CEP19: variants seen among roughly 807,000 people sequenced by gnomAD.
CEP19 encodes the protein centrosomal protein 19.
In CEP19, 14 loss-of-function variants were observed where a neutral mutation model predicts 17.5. The ratio of observed to expected loss-of-function variants is 0.80; its 90% CI spans 0.53 to 1.25. The LOEUF (loss-of-function observed/expected upper bound fraction) is 1.25. Ranked by LOEUF, CEP19 falls within the 50% of genes most tolerant of loss-of-function variation. The probability of loss-of-function intolerance (pLI) is 0.00; values close to 1 mark genes in which losing one functional copy is unlikely to be tolerated. For synonymous variants in CEP19, 59 were observed against 65.5 expected (o/e 0.90, Z 0.48); for missense variants, 193 against 192.0 (o/e 1.01, Z -0.03).
chr3:196,711,107 A>AGT (rs200255217), intron 1 of CEP19, among the ~76,000 whole-genome samples: 3 of 121,896 alleles, frequency 2.5e-5, no homozygotes, highest in African/African-American at 9.4e-5. Flanking sequence ...CAAATAATGT[A>AGT]GTTTTTTTTT....
chr3:196,708,035 G>T, intron 2 of CEP19, 123 bp from the exon 3 acceptor site: 1 of 1,078,666 alleles, frequency 9.3e-7, no homozygotes, highest in Non-Finnish European at 1.3e-6. Flanking sequence ...CTCCATTATA[G>T]TCAAGTAGCT....
intron 1 of CEP19, among the ~76,000 whole-genome samples, chr3:196,710,040 G>A (rs531135151): frequency 6.6e-6 from 1 of 152,160 alleles, no homozygotes; most frequent in South Asian, 2.1e-4. Context: ...CTTTTTTCTA[G>A]GCATATAGTT....
chr3:196,710,431 G>C (rs1297271047), intron 1 of CEP19, among the ~76,000 whole-genome samples: 1 of 152,040 alleles, frequency 6.6e-6, no homozygotes, highest in Non-Finnish European at 1.5e-5. Context: ...TGTAATCCCA[G>C]CTACTCGAGA....
At chr3:196,709,122 A>G (rs1030691786) in intron 1 of CEP19, among the ~76,000 whole-genome samples, 1 of 152,096 alleles carries the variant, frequency 6.6e-6, no homozygotes, top group African/African-American at 2.4e-5. Context: ...AGTGTACTGC[A>G]CTCTTACTGA....
intron 1 of CEP19, 178 bp from the exon 2 acceptor site, chr3:196,708,905 G>A: frequency 2.1e-6 from 1 of 476,024 alleles, no homozygotes; most frequent in Non-Finnish European, 3.8e-6. Context: ...CTTGCGCAGG[G>A]GCCATGCTGA....
rs928344847 is a variant in CEP19, at chr3:196,706,498, T to C, written c.*1053A>G. On this transcript the variant is annotated 3_prime_UTR_variant, in exon 3 of 3. Transcript: ENST00000409690. ...ATTTCCCATTTTACAAACAAACCTT[T>C]TATTTATGGGAAGAGGTTCAGCGTT... 6.6e-6 allele frequency: 1 copy of C among 152,174 alleles called. No homozygotes were observed. Among genetic ancestry groups the C allele is most frequent in the African/African-American group, 2.4e-5 (1 of 41,438 alleles). 9.4% of individuals were successfully genotyped at this position (152,174 alleles called of 1,614,324 possible).
Position 196,707,533 on chromosome 3 carries a change from T to C in CEP19, c.*18A>G, listed in dbSNP as rs1261283362. 6.3e-7 allele frequency: 1 copy of C among 1,584,772 alleles called. No homozygotes were observed. Among genetic ancestry groups the C allele is most frequent in the African/African-American group, 1.3e-5 (1 of 74,212 alleles). ...ATGGATATTCTGCTAGCCCAATGCA[T>C]GTTTTGAGTGTTTGGTATCAGAACT... is the stretch of plus-strand genomic sequence containing the variant. On this transcript the variant is annotated 3_prime_UTR_variant, in exon 3 of 3. Coordinates refer to ENST00000409690, the MANE Select transcript of CEP19 (RefSeq NM_032898.5).
chr3:196,708,527 C>A lies in CEP19; in HGVS notation c.130+1G>T. Reference sequence around the variant, plus strand: ...AGGAGGCAAGATAAGACATGAGGTACCTGAAAACTTTGAAAAGTTTCGAAC... The same window carrying A: ...AGGAGGCAAGATAAGACATGAGGTAACTGAAAACTTTGAAAAGTTTCGAAC... On this transcript the variant is annotated splice_donor_variant, in intron 2 of 2. Transcript: ENST00000409690. LOFTEE classifies it high-confidence loss of function. The A allele has an allele frequency of 6.2e-7, 1 of 1,613,908 alleles. No homozygotes were observed. The highest frequency in any genetic ancestry group is 8.5e-7 in the Non-Finnish European group (1 of 1,179,872).
At chr3:196,711,267 C>A (rs1009074949) in intron 1 of CEP19, among the ~76,000 whole-genome samples, 5 of 152,146 alleles carry the variant, frequency 3.3e-5, no homozygotes, top group Admixed American at 1.3e-4. Context: ...TTTTAAAAGG[C>A]ATATCTTCCA....
chr3:196,711,969 G>A lies in CEP19; in HGVS notation c.-111C>T, dbSNP rs1353724893. The A allele has an allele frequency of 5.6e-6, 4 of 717,464 alleles. No homozygotes were observed. The Admixed American group carries it at 6.0e-5, about 11-fold the overall frequency. The allele number at this position is 717,464 out of a possible 1,614,324, so 44.4% of individuals were successfully genotyped here. A position where few individuals can be genotyped will look rare whatever the true frequency, so the allele number is the denominator to read the frequency against. On this transcript the variant is annotated 5_prime_UTR_variant, in exon 1 of 3. In the 5' UTR this introduces an upstream ATG that the reference lacks. Transcript: ENST00000409690. ...GAAATGACATCGTCTGCAGGCCAAC[G>A]TCTAAACAACCAGGAGTGGGTTTTT...
rs1307274411 is a variant in CEP19, at chr3:196,712,167, G to A, written c.-309C>T. On this transcript the variant is annotated 5_prime_UTR_variant, in exon 1 of 3. Transcript: ENST00000409690. ...GGAAGCGGAGGTGGGGGCCGGCTGG[G>A]GGACCGGTCCACCGGCTCCCACCTC... 1.7e-6 allele frequency: 1 copy of A among 575,400 alleles called. No homozygotes were observed. The highest frequency in any genetic ancestry group is 2.1e-5 in the South Asian group (1 of 47,090). The allele number at this position is 575,400 out of a possible 1,614,324, so 35.6% of individuals were successfully genotyped here.
intron 1 of CEP19, among the ~76,000 whole-genome samples, chr3:196,710,312 G>A (rs1309045536): frequency 6.6e-6 from 1 of 152,164 alleles, no homozygotes; most frequent in Non-Finnish European, 1.5e-5. Context: ...GGGAGGTCAA[G>A]GTGGGCAGAT....
At position 196,712,201 on chromosome 3, in the gene CEP19, G is replaced by C; in HGVS notation, c.-343C>G. 1.8e-6 allele frequency: 1 copy of C among 552,310 alleles called. No individual in the cohort carries two copies. 34.2% of individuals were successfully genotyped at this position (552,310 alleles called of 1,614,324 possible). On this transcript the variant is annotated 5_prime_UTR_variant, in exon 1 of 3. Coordinates refer to ENST00000409690, the MANE Select transcript of CEP19 (RefSeq NM_032898.5). Reference sequence around the variant, plus strand: ...CCACCGGCTCCCACCTCGGCGTACAGGGATTCCAGGTCCCGGCGAGCGCTG... The same window carrying C: ...CCACCGGCTCCCACCTCGGCGTACACGGATTCCAGGTCCCGGCGAGCGCTG...
chr3:196,711,436 G>A (rs971067784), intron 1 of CEP19, among the ~76,000 whole-genome samples: 1 of 151,566 alleles, frequency 6.6e-6, no homozygotes, highest in Non-Finnish European at 1.5e-5. Flanking sequence ...AGCGATTCTC[G>A]TGCCTCAGCC....
chr3:196,707,991 A>C, intron 2 of CEP19, 79 bp from the exon 3 acceptor site: 1 of 1,460,056 alleles, frequency 6.8e-7, no homozygotes, highest in Non-Finnish European at 9.1e-7. Context: ...AACAGCCAAA[A>C]CAGAACAAAA....
intron 1 of CEP19, among the ~76,000 whole-genome samples, chr3:196,709,311 A>G (rs1298895036): frequency 6.6e-6 from 1 of 152,086 alleles, no homozygotes. Context: ...TCTCCTTTGT[A>G]CTTTCCCAAT....
At chr3:196,710,189 G>T (rs1711693791) in intron 1 of CEP19, among the ~76,000 whole-genome samples, 2 of 151,966 alleles carry the variant, frequency 1.3e-5, no homozygotes, top group South Asian at 4.1e-4. Context: ...TTATTTTATG[G>T]ATGTACTATA....
At chr3:196,711,801 C>T in intron 1 of CEP19, 128 bp downstream of exon 1, 1 of 688,888 alleles carries the variant, frequency 1.5e-6, no homozygotes, top group Non-Finnish European at 2.7e-6. Context: ...ACTCCTCTCC[C>T]CAGAGATCAG....
chr3:196,706,733 G>A lies in CEP19; in HGVS notation c.*818C>T, dbSNP rs931066925. 19 of 151,290 alleles carry A rather than the reference G, an allele frequency of 1.3e-4. No individual in the cohort carries two copies. Among genetic ancestry groups the A allele is most frequent in the African/African-American group, 4.4e-4 (18 of 40,892 alleles). 9.4% of individuals were successfully genotyped at this position (151,290 alleles called of 1,614,324 possible). On this transcript the variant is annotated 3_prime_UTR_variant, in exon 3 of 3. Coordinates refer to ENST00000409690, the MANE Select transcript of CEP19 (RefSeq NM_032898.5). ...TCTTGTCAAACTATAATTTGCTTAT[G>A]GTTCCTCAAAAAAAAAATTGTTTCT...
Sources: allele counts gnomAD v4.1 joint callset (sites outside exome capture counted in the v4.1 genomes callset), GRCh38; gene constraint gnomAD v4.1.1; transcripts MANE v1.5; gene names NCBI Gene and HGNC (gene_info 2026-07-23, HGNC 2026-07-21).